FILIP1: variants seen among roughly 807,000 people sequenced by gnomAD.
The protein encoded by FILIP1 is filamin-A-interacting protein 1.
FILIP1 carries 61 observed loss-of-function variants against 102.1 expected under a neutral mutation model. The observed-to-expected ratio is 0.60, with a 90% CI of 0.49 to 0.74. The LOEUF (loss-of-function observed/expected upper bound fraction) is 0.74, where lower values mean the gene tolerates loss of function less well. Among genes scored for constraint, FILIP1 ranks in the 30% least tolerant of loss-of-function variants. The pLI is 0.00. For missense variants in FILIP1, 1,314 were observed against 1,441.2 expected (o/e 0.91, Z 1.43); for synonymous variants, 491 against 526.9 (o/e 0.93, Z 0.93).
At chr6:75,328,685 C>T (rs1428707456) in intron 4 of FILIP1, among the ~76,000 whole-genome samples, 2 of 152,124 alleles carry the variant, frequency 1.3e-5, no homozygotes, top group African/African-American at 4.8e-5. Context: ...GATGGGGTTT[C>T]ACATGTTTGC....
At chr6:75,327,689 G>C (rs1254367740) in intron 4 of FILIP1, among the ~76,000 whole-genome samples, 1 of 151,320 alleles carries the variant, frequency 6.6e-6, no homozygotes, top group African/African-American at 2.4e-5. Context: ...AACATTAAGA[G>C]ATATATATTA....
intron 2 of FILIP1, among the ~76,000 whole-genome samples, chr6:75,372,156 T>A (rs916624041): frequency 6.6e-6 from 1 of 151,948 alleles, no homozygotes; most frequent in Non-Finnish European, 1.5e-5. Context: ...TGAGGTGAGA[T>A]CGGGAGTTTG....
At chr6:75,473,470 T>G (rs532437656) in intron 1 of FILIP1, among the ~76,000 whole-genome samples, 9 of 152,034 alleles carry the variant, frequency 5.9e-5, no homozygotes, top group African/African-American at 1.7e-4. Context: ...TTGTAGGTGA[T>G]CCAACTAAAG....
At chr6:75,355,200 C>A (rs554418314) in intron 3 of FILIP1, among the ~76,000 whole-genome samples, 11 of 151,942 alleles carry the variant, frequency 7.2e-5, no homozygotes, top group Non-Finnish European at 1.3e-4. Context: ...GAGGCCGAGG[C>A]AGAAAAATCG....
At chr6:75,340,425 T>C (rs956436633) in intron 4 of FILIP1, among the ~76,000 whole-genome samples, 3 of 152,162 alleles carry the variant, frequency 2.0e-5, no homozygotes, top group Non-Finnish European at 2.9e-5. Context: ...ATAGGAGCCA[T>C]ACAAAAAGAT....
chr6:75,336,855 C>T (rs1774259825), intron 4 of FILIP1, among the ~76,000 whole-genome samples: 1 of 152,044 alleles, frequency 6.6e-6, no homozygotes, highest in Non-Finnish European at 1.5e-5. Context: ...AATTAACACC[C>T]CCTTGGCTAA....
At chr6:75,403,524 A>AAGAAAAAAG (rs372962522) in intron 2 of FILIP1, among the ~76,000 whole-genome samples, 23 of 134,748 alleles carry the variant, frequency 1.7e-4, no homozygotes, top group African/African-American at 3.7e-4. Context: ...CAAAAAAAAA[A>AAGAAAAAAG]AAAAAAGAAA....
chr6:75,326,764 A>T (rs1443048822), intron 4 of FILIP1, among the ~76,000 whole-genome samples: 1 of 152,354 alleles, frequency 6.6e-6, no homozygotes, highest in Admixed American at 6.5e-5. Flanking sequence ...CTGTGCTTTC[A>T]TAACAATGCT....
chr6:75,452,990 T>C (rs1388258765), intron 1 of FILIP1, among the ~76,000 whole-genome samples: 1 of 152,170 alleles, frequency 6.6e-6, no homozygotes, highest in Non-Finnish European at 1.5e-5. Flanking sequence ...TAGTCTCCAT[T>C]GATAGGTGTT....
At chr6:75,373,955 C>T (rs1775664083) in intron 2 of FILIP1, among the ~76,000 whole-genome samples, 2 of 152,124 alleles carry the variant, frequency 1.3e-5, no homozygotes, top group South Asian at 4.2e-4. Flanking sequence ...CACATCACTG[C>T]ACTCCAGCTG....
chr6:75,320,059 G>C lies in FILIP1; in HGVS notation c.630-4857C>G, dbSNP rs117706423. ...CATTTGCCCCGGTGCTGTCTCTATG[G>C]AGCTCAGTTACTGCAATGGCTGTCC... On this transcript the variant is annotated intron_variant, in intron 4 of 5. Transcript: ENST00000237172. 469 of 256,870 alleles carry C rather than the reference G, an allele frequency of 1.8e-3. 5 individuals are homozygous for C. In the East Asian group the frequency reaches 0.038, roughly 21 times the overall value. 15.9% of individuals were successfully genotyped at this position (256,870 alleles called of 1,614,324 possible).
chr6:75,385,924 C>T (rs1022253371), intron 2 of FILIP1, among the ~76,000 whole-genome samples: 3 of 151,634 alleles, frequency 2.0e-5, no homozygotes, highest in East Asian at 3.9e-4. Context: ...AAATCTTTGC[C>T]GTACTAGCTT....
intron 2 of FILIP1, among the ~76,000 whole-genome samples, chr6:75,401,941 G>A (rs1776673583): frequency 6.6e-6 from 1 of 152,142 alleles, no homozygotes; most frequent in Non-Finnish European, 1.5e-5. Flanking sequence ...ATATAATTTA[G>A]TTTACTAAAT....
intron 4 of FILIP1, among the ~76,000 whole-genome samples, chr6:75,353,170 C>A (rs1774868929): frequency 6.6e-6 from 1 of 150,842 alleles, no homozygotes; most frequent in Admixed American, 6.6e-5. Context: ...CAAACCTGCA[C>A]GTTGTGCACA....
Position 75,313,955 on chromosome 6 carries a change from T to G in FILIP1, c.1877A>C (p.Asp626Ala), listed in dbSNP as rs1205538372. 1 of 1,608,552 alleles carries G rather than the reference T, an allele frequency of 6.2e-7. No individual in the cohort carries two copies. Among genetic ancestry groups the G allele is most frequent in the East Asian group, 2.2e-5 (1 of 44,862 alleles). Residue 626 changes from aspartate to alanine, a missense_variant, in exon 5 of 6, where the codon GAT (aspartate) becomes GCT (alanine). Around this residue, in one of 3 missense-constraint regions of FILIP1, gnomAD observed 816 missense variants for 913.1 expected, o/e 0.89. Transcript: ENST00000237172. This position sits in a 1 kb window ranked among gnomAD's most constrained non-coding sequence, Gnocchi z 4.2. ...RKGSELTCPEDNKIKELTLEI... is the reference protein window; with the variant it reads ...RKGSELTCPEANKIKELTLEI... ...AAGTGTTAGTTCCTTAATCTTATTA[T>G]CTTCCGGGCAGGTGAGCTCAGACCC...
At chr6:75,294,395 T>G (rs183434472) in exon 7 of FILIP1, 1 of 152,072 alleles carries the variant, frequency 6.6e-6, no homozygotes, top group Non-Finnish European at 1.5e-5. Flanking sequence ...ATCTTTAAAG[T>G]TATCTTTAAA....
intron 3 of FILIP1, among the ~76,000 whole-genome samples, chr6:75,357,988 A>G (rs750121052): frequency 6.6e-6 from 1 of 152,234 alleles, no homozygotes; most frequent in East Asian, 1.9e-4. Context: ...GACTAGTGAA[A>G]GTAGAATAGG....
rs1773059820 is a variant in FILIP1 at position 75,308,546 on chromosome 6, A to C, written c.*145T>G. 6.8e-7 allele frequency: 1 copy of C among 1,468,632 alleles called. No individual in the cohort carries two copies. The highest frequency in any genetic ancestry group is 2.4e-5 in the East Asian group (1 of 40,838). 91.0% of individuals were successfully genotyped at this position (1,468,632 alleles called of 1,614,324 possible). A position where few individuals can be genotyped will look rare whatever the true frequency, so the allele number is the denominator to read the frequency against. On this transcript the variant is annotated 3_prime_UTR_variant, in exon 6 of 6. Transcript: ENST00000237172. ...TCAAAACAAATGCACAAAATGGGAA[A>C]GACAAATGGTTATTAGTTGGTTATT...
intron 4 of FILIP1, chr6:75,319,005 A>G (rs1773542229): frequency 1.5e-6 from 1 of 650,808 alleles, no homozygotes; most frequent in South Asian, 1.7e-5. Context: ...TATAGACATG[A>G]AAAAAAACTG....
Sources: gnomAD v4.1 joint callset for allele counts (sites outside exome capture counted in the v4.1 genomes callset) on GRCh38, gnomAD v4.1.1 for gene constraint, gnomAD v4.1.1 regional missense constraint, Gnocchi (gnomAD v3.1) non-coding constraint, MANE v1.5 for transcripts, NCBI Gene and HGNC (gene_info 2026-07-23, HGNC 2026-07-21) for gene names.